Variants in ADGRB3 observed in about 807,000 individuals in gnomAD.
The protein encoded by ADGRB3 is adhesion G protein-coupled receptor B3, also known as brain-specific angiogenesis inhibitor 3.
Under a neutral mutation model 193.4 loss-of-function variants are expected in ADGRB3, and 37 were observed. That is an observed-to-expected ratio of 0.19 (90% CI 0.15 to 0.25). The LOEUF (loss-of-function observed/expected upper bound fraction) is 0.25, where lower values mean the gene tolerates loss of function less well. Ranked by LOEUF, ADGRB3 falls within the 10% of genes least tolerant of loss-of-function variation. ADGRB3 has a pLI of 1.00. For missense variants in ADGRB3, 1,637 were observed against 1,852.9 expected, an observed-to-expected ratio of 0.88 and a Z score of 2.14; for synonymous variants, 690 against 644.2, an observed-to-expected ratio of 1.07 and a Z score of -1.08.
intron 13 of ADGRB3, among the ~76,000 whole-genome samples, chr6:69,031,106 CTT>C (rs1770664751): frequency 1.4e-5 from 1 of 72,452 alleles, no homozygotes; most frequent in African/African-American, 4.9e-5. Flanking sequence ...CTTCTCTTCT[CTT>C]CTCTTCTCTC....
At chr6:69,033,635 C>T (rs996026460) in intron 13 of ADGRB3, among the ~76,000 whole-genome samples, 7 of 151,904 alleles carry the variant, frequency 4.6e-5, no homozygotes, top group African/African-American at 1.2e-4. Flanking sequence ...TTTGTTTTGA[C>T]ATGTGGCATA....
At chr6:69,319,643 T>G (rs760456506) in intron 20 of ADGRB3, among the ~76,000 whole-genome samples, 138 of 151,490 alleles carry the variant, frequency 9.1e-4, no homozygotes, top group Non-Finnish European at 1.9e-3. Context: ...GATGTGTTCC[T>G]TCTGTATCTT....
chr6:68,933,805 C>G (rs1275192399), intron 4 of ADGRB3, among the ~76,000 whole-genome samples: 2 of 152,110 alleles, frequency 1.3e-5, no homozygotes, highest in Non-Finnish European at 2.9e-5. Context: ...TTCTCAAGGT[C>G]ACAGAGCTAT....
intron 17 of ADGRB3, among the ~76,000 whole-genome samples, chr6:69,091,955 T>G (rs1257432184): frequency 6.6e-6 from 1 of 152,188 alleles, no homozygotes; most frequent in Non-Finnish European, 1.5e-5. Context: ...GCCATCTGTT[T>G]AAGTTCCTCC....
At chr6:69,112,608 C>T (rs1327796111) in intron 17 of ADGRB3, among the ~76,000 whole-genome samples, 2 of 152,052 alleles carry the variant, frequency 1.3e-5, no homozygotes, top group Non-Finnish European at 2.9e-5. Context: ...GCAGGCCTTT[C>T]GTATTCATGA....
intron 3 of ADGRB3, among the ~76,000 whole-genome samples, chr6:68,647,688 T>C (rs1377413978): frequency 1.3e-5 from 2 of 152,204 alleles, no homozygotes; most frequent in African/African-American, 4.8e-5. Context: ...AAAGCTGTCC[T>C]TTGAATATCA....
At chr6:68,856,450 G>A (rs1342102609) in intron 3 of ADGRB3, among the ~76,000 whole-genome samples, 1 of 152,162 alleles carries the variant, frequency 6.6e-6, no homozygotes, top group Non-Finnish European at 1.5e-5. Context: ...AGGTTGAGGT[G>A]GTCTCAGGTG....
intron 17 of ADGRB3, among the ~76,000 whole-genome samples, chr6:69,088,012 G>A (rs1772598423): frequency 6.6e-6 from 1 of 152,116 alleles, no homozygotes; most frequent in East Asian, 1.9e-4. Flanking sequence ...TATAGTTTCA[G>A]GCATGCAAAA....
chr6:69,336,741 T>C (rs1768858597), intron 24 of ADGRB3, among the ~76,000 whole-genome samples: 1 of 152,100 alleles, frequency 6.6e-6, no homozygotes, highest in East Asian at 1.9e-4. Context: ...ATTTTATAAA[T>C]GAATAATTTC....
rs1768058905 is a variant in ADGRB3, at chr6:68,955,965, C to G, written c.1196-59C>G. 6.4e-6 allele frequency: 10 copies of G among 1,562,194 alleles called. No individual in the cohort carries two copies. The South Asian group carries it at 8.4e-5, about 13-fold the overall frequency. Reference sequence around the variant, plus strand: ...CAAGGGTGGTTTTACCAGGTACTTTCTGTACAGCTTGTCCTATTGGAAGAT... The same window carrying G: ...CAAGGGTGGTTTTACCAGGTACTTTGTGTACAGCTTGTCCTATTGGAAGAT... On this transcript the variant is annotated intron_variant, in intron 6 of 31. Transcript: ENST00000370598.
At chr6:69,272,903 TG>T (rs1413050061) in intron 20 of ADGRB3, among the ~76,000 whole-genome samples, 1 of 152,132 alleles carries the variant, frequency 6.6e-6, no homozygotes, top group Admixed American at 6.5e-5. Flanking sequence ...TTACCATTTT[TG>T]TTTTGTTTTG....
At position 69,055,376 on chromosome 6, in the gene ADGRB3, T is replaced by G. The variant is rs193031694; in HGVS notation, c.2333+6030T>G. 3.9e-5 allele frequency among the ~76,000 whole-genome samples: 6 copies of G among 152,372 alleles called. No homozygotes were observed. In the East Asian group the frequency reaches 9.6e-4, roughly 24 times the overall value. On this transcript the variant is annotated intron_variant, in intron 15 of 31. Coordinates refer to ENST00000370598, the MANE Select transcript of ADGRB3 (RefSeq NM_001704.3). ...CTTTAAATACCTCATGTAAGTGGAA[T>G]CATGCAGTATTCATCTTTTTGTGAT...
intron 17 of ADGRB3, among the ~76,000 whole-genome samples, chr6:69,224,998 C>T (rs1291897488): frequency 1.3e-5 from 2 of 152,080 alleles, no homozygotes; most frequent in Non-Finnish European, 2.9e-5. Context: ...ATTATTTTCT[C>T]ATCATCACTA....
intron 3 of ADGRB3, among the ~76,000 whole-genome samples, chr6:68,884,431 G>C (rs576473600): frequency 6.6e-6 from 1 of 152,184 alleles, no homozygotes; most frequent in African/African-American, 2.4e-5. Flanking sequence ...GTGAGAACAT[G>C]TCTCTCAGAG....
At chr6:68,825,832 T>C (rs62418565) in intron 3 of ADGRB3, among the ~76,000 whole-genome samples, 21,911 of 152,162 alleles carry the variant, frequency 0.14, 1,740 homozygotes, top group African/African-American at 0.19. Context: ...GAGGCCTCCT[T>C]AGCCATGCGG....
At chr6:69,028,492 A>C (rs1263656616) in intron 13 of ADGRB3, among the ~76,000 whole-genome samples, 2 of 152,190 alleles carry the variant, frequency 1.3e-5, no homozygotes, top group Non-Finnish European at 2.9e-5. Context: ...ATAACCCTGG[A>C]CTTTAATGTC....
chr6:69,280,781 C>A (rs142042782), intron 20 of ADGRB3, among the ~76,000 whole-genome samples: 80 of 152,210 alleles, frequency 5.3e-4, no homozygotes, highest in African/African-American at 1.9e-3. Flanking sequence ...TATCCTGTAG[C>A]TCTAAACAGT....
chr6:69,186,851 A>G (rs1765081320), intron 17 of ADGRB3, among the ~76,000 whole-genome samples: 1 of 151,504 alleles, frequency 6.6e-6, no homozygotes, highest in East Asian at 1.9e-4. Context: ...CAGAAGTACT[A>G]TTACCAGTGC....
rs181318284 is a variant in ADGRB3, at chr6:68,811,432, G to T, written c.758-119127G>T. Reference sequence around the variant, plus strand: ...TTATTACTTAACATTGCACTATTCTGTCAGGCCAAATTAATGAGGTAGATG... The same window carrying T: ...TTATTACTTAACATTGCACTATTCTTTCAGGCCAAATTAATGAGGTAGATG... On this transcript the variant is annotated intron_variant, in intron 3 of 31. Coordinates refer to ENST00000370598, the MANE Select transcript of ADGRB3 (RefSeq NM_001704.3). Among the ~76,000 whole-genome samples the T allele has an allele frequency of 1.0e-3, 154 of 152,078 alleles. 3 individuals carry two copies. Among genetic ancestry groups the T allele is most frequent in the Admixed American group, 4.7e-3 (72 of 15,272 alleles).
Sources: gnomAD v4.1 joint callset for allele counts (sites outside exome capture counted in the v4.1 genomes callset) on GRCh38, gnomAD v4.1.1 for gene constraint, MANE v1.5 for transcripts, NCBI Gene and HGNC (gene_info 2026-07-23, HGNC 2026-07-21) for gene names.